The following AGK variants were observed in gnomAD, a reference collection of about 807,000 sequenced individuals.
AGK encodes the protein acylglycerol kinase, mitochondrial.
Under a neutral mutation model 66.4 loss-of-function variants are expected in AGK, and 52 were observed. The observed-to-expected ratio is 0.78, with a 90% CI of 0.63 to 0.99. AGK has a LOEUF of 0.99. Among genes scored for constraint, AGK ranks in the 50% least tolerant of loss-of-function variants. The probability of loss-of-function intolerance (pLI) is 0.00; values close to 1 mark genes in which losing one functional copy is unlikely to be tolerated. For synonymous variants in AGK, 182 were observed against 181.1 expected (o/e 1.00, Z -0.04); for missense variants, 451 against 506.6 (o/e 0.89, Z 1.05).
intron 13 of AGK, among the ~76,000 whole-genome samples, chr7:141,648,813 G>A (rs1422170465): frequency 1.3e-5 from 2 of 152,168 alleles, no homozygotes; most frequent in African/African-American, 4.8e-5. Context: ...TGTATGTAGA[G>A]CATTAAAGAA....
chr7:141,632,179 C>T (rs761710524), intron 9 of AGK, among the ~76,000 whole-genome samples: 8 of 150,984 alleles, frequency 5.3e-5, no homozygotes, highest in African/African-American at 7.3e-5. Flanking sequence ...TGCAATTAGC[C>T]GAGATCGTGC....
At chr7:141,557,926 T>G (rs376322583) in intron 2 of AGK, among the ~76,000 whole-genome samples, 34 of 152,232 alleles carry the variant, frequency 2.2e-4, no homozygotes, top group African/African-American at 7.7e-4. Flanking sequence ...TATATTCACA[T>G]TGTTGTTCAA....
chr7:141,634,514 A>ATC, intron 10 of AGK, among the ~76,000 whole-genome samples: 1 of 152,234 alleles, frequency 6.6e-6, no homozygotes, highest in Non-Finnish European at 1.5e-5. Context: ...GGAGCTGATT[A>ATC]GAGGGCCAGT....
chr7:141,552,127 A>G (rs1216300885), intron 1 of AGK, among the ~76,000 whole-genome samples: 1 of 152,050 alleles, frequency 6.6e-6, no homozygotes, highest in African/African-American at 2.4e-5. Flanking sequence ...TTCCAAATCC[A>G]TCCTTTATCT....
intron 2 of AGK, among the ~76,000 whole-genome samples, chr7:141,562,318 G>T (rs1193513111): frequency 2.0e-5 from 3 of 152,246 alleles, no homozygotes; most frequent in African/African-American, 7.2e-5. Context: ...ATTTGCAAGA[G>T]AACACCAGCT....
intron 5 of AGK, among the ~76,000 whole-genome samples, 163 bp downstream of exon 5, chr7:141,601,443 G>A (rs1342616959): frequency 1.3e-5 from 2 of 152,160 alleles, no homozygotes; most frequent in Non-Finnish European, 2.9e-5. Flanking sequence ...TTTCCAAATA[G>A]TGTCAGCTTT....
intron 2 of AGK, among the ~76,000 whole-genome samples, chr7:141,578,445 G>A (rs1025116815): frequency 7.2e-5 from 11 of 151,912 alleles, no homozygotes; most frequent in Non-Finnish European, 1.0e-4. Context: ...CAGGGGATAC[G>A]ATGGCTTAGC....
chr7:141,648,177 T>G (rs1797464092), intron 13 of AGK, among the ~76,000 whole-genome samples: 2 of 152,206 alleles, frequency 1.3e-5, no homozygotes, highest in African/African-American at 4.8e-5. Flanking sequence ...CACCTCATGT[T>G]CCTTGCTCTG....
Position 141,562,459 on chromosome 7 carries a change from A to T in AGK, c.101+6892A>T, listed in dbSNP as rs1042400407. Among the ~76,000 whole-genome samples the T allele has an allele frequency of 1.6e-3, 241 of 152,276 alleles. 4 individuals carry two copies. Among genetic ancestry groups the T allele is most frequent in the Non-Finnish European group, 5.3e-4 (36 of 68,020 alleles). Reference sequence around the variant, plus strand: ...TGTTCAGCTACCAGGGCTCATAGAGAAATACCTTCAGGTGGGGGCAGGGTT... The same window carrying T: ...TGTTCAGCTACCAGGGCTCATAGAGTAATACCTTCAGGTGGGGGCAGGGTT... On this transcript the variant is annotated intron_variant, in intron 2 of 15. Coordinates refer to ENST00000649286, the MANE Select transcript of AGK (RefSeq NM_018238.4).
At chr7:141,562,625 G>A (rs1795374706) in intron 2 of AGK, among the ~76,000 whole-genome samples, 2 of 152,192 alleles carry the variant, frequency 1.3e-5, no homozygotes, top group Non-Finnish European at 2.9e-5. Flanking sequence ...GTTCACCAGG[G>A]AAGTAGGGGA....
intron 6 of AGK, 140 bp downstream of exon 6, chr7:141,611,427 A>AC: frequency 1.9e-6 from 1 of 527,342 alleles, no homozygotes; most frequent in Non-Finnish European, 3.2e-6. Flanking sequence ...TAAAGCTAGT[A>AC]TAGCTTTAAA....
chr7:141,628,140 A>T (rs1281022438), intron 9 of AGK, among the ~76,000 whole-genome samples: 1 of 152,210 alleles, frequency 6.6e-6, no homozygotes, highest in Non-Finnish European at 1.5e-5. Context: ...TCGGCCTCTC[A>T]AAGTGCTGGG....
intron 10 of AGK, among the ~76,000 whole-genome samples, chr7:141,634,221 G>A (rs1797120554): frequency 6.6e-6 from 1 of 152,160 alleles, no homozygotes; most frequent in African/African-American, 2.4e-5. Flanking sequence ...GAGGAGAAGG[G>A]TATGTCTCTA....
At chr7:141,566,433 G>A (rs968620622) in intron 2 of AGK, among the ~76,000 whole-genome samples, 1 of 152,180 alleles carries the variant, frequency 6.6e-6, no homozygotes, top group Non-Finnish European at 1.5e-5. Flanking sequence ...GGATGAGTGT[G>A]CAGAGGGCAA....
chr7:141,596,859 A>G, intron 4 of AGK: 1 of 536,294 alleles, frequency 1.9e-6, no homozygotes, highest in Non-Finnish European at 3.3e-6. Context: ...AAGTTTAATA[A>G]TCATTCCATG....
At position 141,565,940 on chromosome 7, in the gene AGK, C is replaced by T. The variant is rs114457555; in HGVS notation, c.101+10373C>T. 2.2e-3 allele frequency among the ~76,000 whole-genome samples: 328 copies of T among 152,320 alleles called. 3 individuals carry two copies. The highest frequency in any genetic ancestry group is 7.2e-3 in the African/African-American group (299 of 41,572). ...TACAGATTGCTATTGCTTTGAGACT[C>T]AAGCACAATATTCTTACCAGCTCTA... On this transcript the variant is annotated intron_variant, in intron 2 of 15. Coordinates refer to ENST00000649286, the MANE Select transcript of AGK (RefSeq NM_018238.4).
At chr7:141,610,475 C>T (rs926012594) in intron 5 of AGK, among the ~76,000 whole-genome samples, 1 of 152,042 alleles carries the variant, frequency 6.6e-6, no homozygotes, top group African/African-American at 2.4e-5. Context: ...TCATTGAAGT[C>T]TATGTATGTA....
chr7:141,602,000 C>T (rs1796355131), intron 5 of AGK, among the ~76,000 whole-genome samples: 1 of 151,856 alleles, frequency 6.6e-6, no homozygotes, highest in Non-Finnish European at 1.5e-5. Context: ...AGTTGTTTGC[C>T]CCCGGGGGTA....
intron 13 of AGK, among the ~76,000 whole-genome samples, chr7:141,646,813 T>A (rs530091607): frequency 6.6e-6 from 1 of 152,348 alleles, no homozygotes; most frequent in South Asian, 2.1e-4. Context: ...CTACTATGGC[T>A]GAGTTGAATA....
Sources: gnomAD v4.1 joint callset for allele counts (sites outside exome capture counted in the v4.1 genomes callset) on GRCh38, gnomAD v4.1.1 for gene constraint, MANE v1.5 for transcripts, NCBI Gene and HGNC (gene_info 2026-07-23, HGNC 2026-07-21) for gene names.